Variants in RERE observed in about 807,000 individuals in gnomAD.
RERE encodes arginine-glutamic acid dipeptide repeats protein.
Under a neutral mutation model 146.1 loss-of-function variants are expected in RERE, and 40 were observed. The ratio of observed to expected loss-of-function variants is 0.27; its 90% confidence interval spans 0.21 to 0.36. RERE has a LOEUF of 0.36. Ranked by LOEUF, RERE falls within the 10% of genes least tolerant of loss-of-function variation. RERE has a pLI of 1.00. For synonymous variants in RERE, 1,003 were observed against 866.0 expected, an observed-to-expected ratio of 1.16 and a Z score of -2.78; for missense variants, 1,933 against 2,138.7, an observed-to-expected ratio of 0.90 and a Z score of 1.90.
intron 12 of RERE, 82 bp from the exon 13 acceptor site, chr1:8,366,056 C>A: frequency 7.1e-7 from 1 of 1,408,682 alleles, no homozygotes. Context: ...CAGTGGAAAG[C>A]TGGGTGTTTA....
rs145446833 is a variant in RERE at position 8,549,638 on chromosome 1, T to C, written c.725+6837A>G. 2.8e-4 allele frequency among the ~76,000 whole-genome samples: 42 copies of C among 152,214 alleles called. 1 individual carries two copies. The East Asian group carries it at 7.5e-3, about 27-fold the overall frequency. ...TTAAGGAGATAAATGATTTGCAGAG[T>C]GTCAAAGTATCTCCCAGGTTAATTA... On this transcript the variant is annotated intron_variant, in intron 6 of 22. Transcript: ENST00000400908.
At chr1:8,813,271 T>TA (rs1485921230) in intron 1 of RERE, among the ~76,000 whole-genome samples, 1 of 152,224 alleles carries the variant, frequency 6.6e-6, no homozygotes, top group South Asian at 2.1e-4. Context: ...ATGACTCACT[T>TA]AAACATTTGA....
intron 7 of RERE, chr1:8,512,066 G>T (rs1410204228): frequency 1.0e-5 from 1 of 98,180 alleles, no homozygotes; most frequent in Non-Finnish European, 1.9e-5. Context: ...TCGCTCTGTC[G>T]CCCAGGCCGG....
chr1:8,679,218 T>C (rs1361067324), intron 1 of RERE, among the ~76,000 whole-genome samples: 3 of 152,200 alleles, frequency 2.0e-5, no homozygotes, highest in Non-Finnish European at 4.4e-5. Flanking sequence ...TACAAGAATA[T>C]GCATAAACAT....
chr1:8,412,113 C>T (rs963473135), intron 12 of RERE, among the ~76,000 whole-genome samples: 5 of 152,180 alleles, frequency 3.3e-5, no homozygotes, highest in Non-Finnish European at 5.9e-5. Flanking sequence ...ACAGATGCTG[C>T]TCCGGCCCCG....
At chr1:8,779,280 C>G (rs1354104222) in intron 1 of RERE, among the ~76,000 whole-genome samples, 1 of 151,276 alleles carries the variant, frequency 6.6e-6, no homozygotes, top group Non-Finnish European at 1.5e-5. Context: ...GTAATCCCAG[C>G]AGTTTGGGAG....
intron 12 of RERE, among the ~76,000 whole-genome samples, chr1:8,377,604 G>T (rs922659386): frequency 6.6e-6 from 1 of 151,998 alleles, no homozygotes; most frequent in Admixed American, 6.6e-5. Flanking sequence ...AAGAAAAAAC[G>T]AAAGCCATAA....
intron 8 of RERE, among the ~76,000 whole-genome samples, chr1:8,498,858 C>G (rs777828807): frequency 6.6e-6 from 1 of 151,036 alleles, no homozygotes; most frequent in Non-Finnish European, 1.5e-5. Flanking sequence ...CAGGAAGGAC[C>G]TTTCTGGGAT....
At chr1:8,788,232 T>C (rs1641294010) in intron 1 of RERE, among the ~76,000 whole-genome samples, 1 of 152,122 alleles carries the variant, frequency 6.6e-6, no homozygotes, top group Non-Finnish European at 1.5e-5. Flanking sequence ...GGAATATACA[T>C]GTGAAAAAAA....
At position 8,479,308 on chromosome 1, in the gene RERE, A is replaced by T. The variant is rs59481224; in HGVS notation, c.1105-13285T>A. 2.3e-3 allele frequency among the ~76,000 whole-genome samples: 356 copies of T among 151,922 alleles called. 2 individuals are homozygous for T. Among genetic ancestry groups the T allele is most frequent in the East Asian group, 6.6e-3 (34 of 5,188 alleles). ...ATGAGCTATTTTTTAAATTTTTTTT[A>T]AATTTTTTTTAAATTTCAAAATAAG... On this transcript the variant is annotated intron_variant, in intron 10 of 22. Coordinates refer to ENST00000400908, the MANE Select transcript of RERE (RefSeq NM_001042681.2).
chr1:8,582,752 C>T (rs1309994131), intron 4 of RERE, among the ~76,000 whole-genome samples: 2 of 152,040 alleles, frequency 1.3e-5, no homozygotes, highest in Non-Finnish European at 2.9e-5. Context: ...CACACACATA[C>T]ACCCTGAAAT....
At chr1:8,816,793 C>A (rs1641921104) in intron 1 of RERE, among the ~76,000 whole-genome samples, 1 of 152,144 alleles carries the variant, frequency 6.6e-6, no homozygotes, top group Non-Finnish European at 1.5e-5. Context: ...CCCCCCAGCA[C>A]CCCGAAATCC....
Position 8,700,748 on chromosome 1 carries a change from T to G in RERE, c.-144-44307A>C, listed in dbSNP as rs182669148. Among the ~76,000 whole-genome samples the G allele has an allele frequency of 3.2e-3, 483 of 152,274 alleles. 1 individual carries two copies. Among genetic ancestry groups the G allele is most frequent in the African/African-American group, 0.011 (460 of 41,536 alleles). Reference sequence around the variant, plus strand: ...CCTAGACTAGTTAACAAAGAACCCATTTTTCATTGTTGATTTTTACACAAA... The same window carrying G: ...CCTAGACTAGTTAACAAAGAACCCAGTTTTCATTGTTGATTTTTACACAAA... On this transcript the variant is annotated intron_variant, in intron 1 of 22. Transcript: ENST00000400908.
intron 1 of RERE, among the ~76,000 whole-genome samples, chr1:8,748,900 A>C (rs1640475784): frequency 6.6e-6 from 1 of 152,192 alleles, no homozygotes; most frequent in Non-Finnish European, 1.5e-5. Context: ...ACATATTTTA[A>C]AAAGAGGAGC....
At chr1:8,716,312 A>G (rs535592571) in intron 1 of RERE, among the ~76,000 whole-genome samples, 1 of 151,466 alleles carries the variant, frequency 6.6e-6, no homozygotes, top group East Asian at 1.9e-4. Flanking sequence ...AAAAAAAAAA[A>G]AAAAAATTAA....
At chr1:8,355,222 C>CA (rs1641243007) in intron 22 of RERE, 102 bp from the exon 23 acceptor site, 9 of 1,307,356 alleles carry the variant, frequency 6.9e-6, no homozygotes, top group Non-Finnish European at 9.9e-6. Context: ...AATCCAACCC[C>CA]AAGCCCGCAG....
At chr1:8,771,243 G>C (rs1477589750) in intron 1 of RERE, among the ~76,000 whole-genome samples, 1 of 152,118 alleles carries the variant, frequency 6.6e-6, no homozygotes, top group Non-Finnish European at 1.5e-5. Context: ...TAGAAACTGG[G>C]CCGGGCGTGG....
At chr1:8,727,825 T>A (rs2124482619) in intron 1 of RERE, among the ~76,000 whole-genome samples, 1 of 152,282 alleles carries the variant, frequency 6.6e-6, no homozygotes, top group Non-Finnish European at 1.5e-5. Flanking sequence ...CAGCAGTACT[T>A]CCCCAAAGGA....
intron 7 of RERE, among the ~76,000 whole-genome samples, chr1:8,535,041 G>T (rs922654022): frequency 6.6e-5 from 10 of 152,022 alleles, no homozygotes; most frequent in African/African-American, 2.4e-4. Context: ...GAGGATCACT[G>T]AGGGGGGAGG....
Sources: gnomAD v4.1 joint callset for allele counts (sites outside exome capture counted in the v4.1 genomes callset) on GRCh38, gnomAD v4.1.1 for gene constraint, MANE v1.5 for transcripts, NCBI Gene and HGNC (gene_info 2026-07-23, HGNC 2026-07-21) for gene names.